RALGAPA1: variants seen among roughly 807,000 people sequenced by gnomAD.
RALGAPA1 encodes Ral GTPase activating protein catalytic subunit alpha 1, also known as ral GTPase-activating protein subunit alpha-1.
RALGAPA1 carries 52 observed loss-of-function variants against 269.6 expected under a neutral mutation model. The observed-to-expected ratio is 0.19, with a 90% CI of 0.15 to 0.24. The LOEUF (loss-of-function observed/expected upper bound fraction) is 0.24, where lower values mean the gene tolerates loss of function less well. Ranked by LOEUF, RALGAPA1 falls within the 10% of genes least tolerant of loss-of-function variation. The pLI is 1.00. For synonymous variants in RALGAPA1, 817 were observed against 1,008.3 expected, an observed-to-expected ratio of 0.81 and a Z score of 3.60; for missense variants, 1,917 against 3,013.9, an observed-to-expected ratio of 0.64 and a Z score of 8.52.
At chr14:35,756,733 A>G in intron 7 of RALGAPA1, 60 bp downstream of exon 7, 1 of 1,181,970 alleles carries the variant, frequency 8.5e-7, no homozygotes, top group Non-Finnish European at 1.2e-6. Context: ...TAAGAGACAG[A>G]AAAGGGAATC....
At chr14:35,707,169 G>A (rs999387349) in intron 16 of RALGAPA1, 16 of 152,118 alleles carry the variant, frequency 1.1e-4, no homozygotes, top group Admixed American at 2.0e-4. Flanking sequence ...TGGAAGGAGC[G>A]ACTGACTTTT....
At chr14:35,766,643 T>C (rs1315060303) in intron 4 of RALGAPA1, 1 of 712,940 alleles carries the variant, frequency 1.4e-6, no homozygotes, top group African/African-American at 1.7e-5. Flanking sequence ...AAGGGTTCAA[T>C]GATTTTGTAA....
At chr14:35,690,075 G>A in intron 17 of RALGAPA1, 72 bp from the exon 18 acceptor site, 2 of 1,115,642 alleles carry the variant, frequency 1.8e-6, no homozygotes, top group South Asian at 3.3e-5. Flanking sequence ...TTTCAATAAT[G>A]CTCTAAAGCA....
At chr14:35,631,550 T>C (rs1343564306) in intron 33 of RALGAPA1, among the ~76,000 whole-genome samples, 1 of 152,144 alleles carries the variant, frequency 6.6e-6, no homozygotes, top group Non-Finnish European at 1.5e-5. Flanking sequence ...CATACTTAAA[T>C]AGATGACTCA....
chr14:35,795,984 A>T (rs917732138), intron 1 of RALGAPA1, among the ~76,000 whole-genome samples: 2 of 152,122 alleles, frequency 1.3e-5, no homozygotes, highest in African/African-American at 4.8e-5. Context: ...ATATAGGAAA[A>T]TATCCAAAAT....
At chr14:35,788,097 G>A (rs1034643058) in intron 1 of RALGAPA1, among the ~76,000 whole-genome samples, 3 of 151,938 alleles carry the variant, frequency 2.0e-5, no homozygotes, top group East Asian at 1.9e-4. Context: ...TCAGCCTCCC[G>A]GGTAGCTGGG....
chr14:35,672,834 T>C, intron 25 of RALGAPA1, 33 bp downstream of exon 25: 1 of 1,459,404 alleles, frequency 6.9e-7, no homozygotes, highest in Non-Finnish European at 9.1e-7. Context: ...TGATATAAAC[T>C]ACTTCTTAGA....
intron 31 of RALGAPA1, among the ~76,000 whole-genome samples, chr14:35,638,007 CCAGA>C (rs1186885804): frequency 2.0e-5 from 3 of 152,080 alleles, no homozygotes; most frequent in Non-Finnish European, 4.4e-5. Context: ...ACAGACTTTC[CCAGA>C]CAAACAAAAG....
chr14:35,741,089 C>T (rs573122805), intron 11 of RALGAPA1, among the ~76,000 whole-genome samples: 1 of 152,286 alleles, frequency 6.6e-6, no homozygotes, highest in East Asian at 1.9e-4. Flanking sequence ...CCTAACATCA[C>T]CAATCTACCC....
At chr14:35,746,986 T>TA (rs1021380463) in intron 10 of RALGAPA1, among the ~76,000 whole-genome samples, 4 of 150,162 alleles carry the variant, frequency 2.7e-5, no homozygotes, top group Non-Finnish European at 4.4e-5. Context: ...GAATCATCAT[T>TA]AAAAAAAAGA....
chr14:35,783,416 T>C (rs2075587752), intron 1 of RALGAPA1, among the ~76,000 whole-genome samples: 1 of 152,098 alleles, frequency 6.6e-6, no homozygotes, highest in African/African-American at 2.4e-5. Context: ...ATGAAGACTA[T>C]ACTTGAAAAA....
At chr14:35,802,657 T>C (rs2077060834) in intron 1 of RALGAPA1, among the ~76,000 whole-genome samples, 1 of 147,892 alleles carries the variant, frequency 6.8e-6, no homozygotes, top group African/African-American at 2.5e-5. Flanking sequence ...TTTTTGGTGG[T>C]GGTGGGTTTT....
intron 31 of RALGAPA1, among the ~76,000 whole-genome samples, chr14:35,638,329 A>T (rs142484514): frequency 3.4e-4 from 52 of 152,340 alleles, no homozygotes; most frequent in African/African-American, 1.2e-3. Context: ...CAGGGGGATT[A>T]AGTTAATATG....
chr14:35,629,149 AG>A (rs2061167200), intron 33 of RALGAPA1, among the ~76,000 whole-genome samples: 1 of 152,172 alleles, frequency 6.6e-6, no homozygotes, highest in Non-Finnish European at 1.5e-5. Context: ...TGTGGAAGCC[AG>A]TTTGGGATTG....
At chr14:35,686,465 C>A in intron 19 of RALGAPA1, 77 bp downstream of exon 19, 1 of 1,049,272 alleles carries the variant, frequency 9.5e-7, no homozygotes, top group Non-Finnish European at 1.3e-6. Context: ...TATAAATTGA[C>A]ATATATGTAC....
At position 35,759,363 on chromosome 14, in the gene RALGAPA1, C is replaced by A. The variant is rs189807486; in HGVS notation, c.547+1466G>T. ...GAAAATTCATATGTTGAAAACCTAA[C>A]CCCCAGTGTGGTTGCACTTGGAGAG... On this transcript the variant is annotated intron_variant, in intron 6 of 41. Transcript: ENST00000680220. 6.7e-4 allele frequency among the ~76,000 whole-genome samples: 102 copies of A among 152,226 alleles called. 3 individuals carry two copies. Among genetic ancestry groups the A allele is most frequent in the Admixed American group, 1.3e-3 (20 of 15,292 alleles).
At chr14:35,787,752 A>G (rs2075892981) in intron 1 of RALGAPA1, among the ~76,000 whole-genome samples, 1 of 151,768 alleles carries the variant, frequency 6.6e-6, no homozygotes, top group Admixed American at 6.6e-5. Flanking sequence ...ATTAAAAAAA[A>G]AAAAAAGTTG....
rs2060115508 is a variant in RALGAPA1, at chr14:35,614,180, A to G, written c.6930-8471T>C. On this transcript the variant is annotated intron_variant, in intron 35 of 41. Transcript: ENST00000680220. ...TGTAAAACAGTTTGCAGTTCCTCCAATGGTGAAACAGAGAGTTATCATATC... is the reference window on the plus strand; with the variant it reads ...TGTAAAACAGTTTGCAGTTCCTCCAGTGGTGAAACAGAGAGTTATCATATC... Among the ~76,000 whole-genome samples the G allele has an allele frequency of 2.0e-5, 3 of 152,178 alleles. No individual in the cohort carries two copies. In the East Asian group the frequency reaches 5.8e-4, roughly 29 times the overall value.
intron 16 of RALGAPA1, among the ~76,000 whole-genome samples, chr14:35,708,116 G>A (rs965445959): frequency 2.0e-5 from 3 of 152,008 alleles, no homozygotes; most frequent in African/African-American, 4.8e-5. Context: ...AAACAAAAAT[G>A]GATTAAAGAC....
Sources: allele counts gnomAD v4.1 joint callset (sites outside exome capture counted in the v4.1 genomes callset), GRCh38; gene constraint gnomAD v4.1.1; transcripts MANE v1.5; gene names NCBI Gene and HGNC (gene_info 2026-07-23, HGNC 2026-07-21).